Variants in ACVR2A observed in about 807,000 individuals in gnomAD.
ACVR2A encodes the protein activin receptor type-2A.
A neutral mutation model predicts 61.4 loss-of-function variants in ACVR2A; 7 were observed. The observed-to-expected ratio is 0.11, with a 90% CI of 0.06 to 0.21. The LOEUF (loss-of-function observed/expected upper bound fraction) is 0.21, where lower values mean the gene tolerates loss of function less well. Ranked by LOEUF, ACVR2A falls within the 10% of genes least tolerant of loss-of-function variation. The pLI is 1.00. For missense variants in ACVR2A, 322 were observed against 621.7 expected (o/e 0.52, Z 5.13); for synonymous variants, 193 against 208.3 (o/e 0.93, Z 0.63).
chr2:147,879,314 C>T (rs1404072828), intron 1 of ACVR2A, among the ~76,000 whole-genome samples: 1 of 152,118 alleles, frequency 6.6e-6, no homozygotes, highest in African/African-American at 2.4e-5. Flanking sequence ...ACTGTGTCCT[C>T]ACAGGGCAGA....
chr2:147,845,256 G>A, intron 1 of ACVR2A, 49 bp downstream of exon 1: 5 of 1,579,062 alleles, frequency 3.2e-6, no homozygotes, highest in Non-Finnish European at 4.3e-6. Context: ...CGGCCGCGGC[G>A]GCCGCTGCTG....
At chr2:147,868,303 A>C (rs190136766) in intron 1 of ACVR2A, among the ~76,000 whole-genome samples, 2 of 152,212 alleles carry the variant, frequency 1.3e-5, no homozygotes, top group African/African-American at 4.8e-5. Context: ...AGTCAAGATG[A>C]TAATATTTAT....
At chr2:147,865,131 T>C (rs1685821108) in intron 1 of ACVR2A, among the ~76,000 whole-genome samples, 1 of 152,142 alleles carries the variant, frequency 6.6e-6, no homozygotes, top group Non-Finnish European at 1.5e-5. Context: ...AATTTATTGC[T>C]GCTAAAATAA....
At chr2:147,846,141 A>G (rs968129862) in intron 1 of ACVR2A, among the ~76,000 whole-genome samples, 2 of 152,174 alleles carry the variant, frequency 1.3e-5, no homozygotes, top group African/African-American at 4.8e-5. Context: ...TAAATACAGC[A>G]TCTAGCTGAA....
At chr2:147,873,471 T>C (rs1486133543) in intron 1 of ACVR2A, among the ~76,000 whole-genome samples, 2 of 151,954 alleles carry the variant, frequency 1.3e-5, no homozygotes, top group Admixed American at 1.3e-4. Context: ...TATTAGCCAC[T>C]TTTCTAGGAC....
chr2:147,884,153 G>A (rs969143332), intron 1 of ACVR2A, among the ~76,000 whole-genome samples: 1 of 151,970 alleles, frequency 6.6e-6, no homozygotes, highest in Non-Finnish European at 1.5e-5. Flanking sequence ...ATTTATGCCC[G>A]ATTTTGTTTT....
chr2:147,848,608 G>C (rs1015766843), intron 1 of ACVR2A, among the ~76,000 whole-genome samples: 1 of 152,096 alleles, frequency 6.6e-6, no homozygotes, highest in East Asian at 1.9e-4. Flanking sequence ...GCAAAATGAT[G>C]AGAAAACATG....
chr2:147,858,491 T>C (rs1370138176), intron 1 of ACVR2A, among the ~76,000 whole-genome samples: 3 of 152,200 alleles, frequency 2.0e-5, no homozygotes, highest in Non-Finnish European at 2.9e-5. Context: ...TTTTGCGGTA[T>C]TGGCCCTCTG....
intron 1 of ACVR2A, among the ~76,000 whole-genome samples, chr2:147,868,780 C>T (rs753652389): frequency 6.6e-6 from 1 of 151,950 alleles, no homozygotes. Flanking sequence ...CACAGGCATG[C>T]CACCACACCT....
chr2:147,918,577 CTGCCAT>C lies in ACVR2A; in HGVS notation c.948_953del (p.Ala317_Ile318del). ...CCTGGCCTAAAAGATGGCCACAAACCTGCCATATCTCACAGGTAGACTAAATTTATA... is the reference window on the plus strand; with the variant it reads ...CCTGGCCTAAAAGATGGCCACAAACCATCTCACAGGTAGACTAAATTTATA... On this transcript the variant is annotated inframe_deletion, in exon 7 of 11. Coordinates refer to ENST00000241416, the MANE Select transcript of ACVR2A (RefSeq NM_001616.5). 1 of 1,606,496 alleles carries C rather than the reference CTGCCAT, an allele frequency of 6.2e-7. No homozygotes were observed. The highest frequency in any genetic ancestry group is 1.7e-5 in the Admixed American group (1 of 58,746).
chr2:147,875,876 G>A (rs1686141004), intron 1 of ACVR2A, among the ~76,000 whole-genome samples: 1 of 152,052 alleles, frequency 6.6e-6, no homozygotes, highest in South Asian at 2.1e-4. Flanking sequence ...TAAAAAGGAA[G>A]ATCATAGGAC....
At chr2:147,902,937 C>T (rs775520648) in intron 4 of ACVR2A, 4 of 151,896 alleles carry the variant, frequency 2.6e-5, no homozygotes, top group African/African-American at 9.7e-5. Flanking sequence ...TAACATTTGT[C>T]ATTCTTTTTC....
upstream of ACVR2A, chr2:147,845,013 T>G (rs1298244171): frequency 6.5e-4 from 128 of 196,562 alleles, no homozygotes; most frequent in African/African-American, 3.0e-3. Context: ...TTTTTTTTTT[T>G]TTTTTTTTTT....
intron 1 of ACVR2A, among the ~76,000 whole-genome samples, chr2:147,849,315 G>A (rs575026081): frequency 1.5e-4 from 23 of 152,136 alleles, no homozygotes; most frequent in African/African-American, 5.5e-4. Context: ...GCCTTATGGC[G>A]GTATTCGTGT....
rs1010302282 is a variant in ACVR2A, at chr2:147,922,915, A to G, written c.1078-58A>G. 2.6e-6 allele frequency: 4 copies of G among 1,565,294 alleles called. No homozygotes were observed. In the African/African-American group the frequency reaches 5.4e-5, roughly 21 times the overall value. On this transcript the variant is annotated intron_variant, in intron 8 of 10. Coordinates refer to ENST00000241416, the MANE Select transcript of ACVR2A (RefSeq NM_001616.5). The stretch of plus-strand genomic sequence containing the variant: ...TGGTTTTGATTCATCTTACAAAATC[A>G]TATGTTAGTTCATAAAGTTAATGAA...
intron 1 of ACVR2A, among the ~76,000 whole-genome samples, chr2:147,848,091 A>T (rs1207828026): frequency 1.3e-5 from 2 of 152,154 alleles, no homozygotes; most frequent in African/African-American, 4.8e-5. Context: ...GTGTGAATGT[A>T]TGTGTGGTTG....
intron 1 of ACVR2A, among the ~76,000 whole-genome samples, chr2:147,871,963 G>GC (rs1302832813): frequency 1.3e-5 from 2 of 152,020 alleles, no homozygotes; most frequent in Non-Finnish European, 2.9e-5. Flanking sequence ...TTTGTTGAAT[G>GC]CCTACCGTAT....
At chr2:147,866,297 A>G (rs546621912) in intron 1 of ACVR2A, among the ~76,000 whole-genome samples, 3 of 152,330 alleles carry the variant, frequency 2.0e-5, no homozygotes, top group South Asian at 4.1e-4. Flanking sequence ...CGTAGCCACC[A>G]TGATAGATTA....
At chr2:147,909,192 C>T (rs13008497) in intron 4 of ACVR2A, among the ~76,000 whole-genome samples, 39,519 of 152,058 alleles carry the variant, frequency 0.26, 5,960 homozygotes, top group East Asian at 0.46. Flanking sequence ...GTGTTCTCCA[C>T]AGGGAAATCT....
Sources: gnomAD v4.1 joint callset for allele counts (sites outside exome capture counted in the v4.1 genomes callset) on GRCh38, gnomAD v4.1.1 for gene constraint, MANE v1.5 for transcripts, NCBI Gene and HGNC (gene_info 2026-07-23, HGNC 2026-07-21) for gene names.